Variants in CCDC171 observed in about 807,000 individuals in gnomAD.
The protein encoded by CCDC171 is coiled-coil domain-containing protein 171.
In CCDC171, 177 loss-of-function variants were observed where a neutral mutation model predicts 168.2. The ratio of observed to expected loss-of-function variants is 1.05; its 90% CI spans 0.93 to 1.19. CCDC171 has a LOEUF of 1.19. Among genes scored for constraint, CCDC171 ranks in the 50% most tolerant of loss-of-function variants. The probability of loss-of-function intolerance (pLI) is 0.00; values close to 1 mark genes in which losing one functional copy is unlikely to be tolerated. For synonymous variants in CCDC171, 687 were observed against 540.8 expected, an observed-to-expected ratio of 1.27 and a Z score of -3.75; for missense variants, 1,991 against 1,539.0, an observed-to-expected ratio of 1.29 and a Z score of -4.91.
At chr9:15,959,037 G>A (rs979283253) in intron 25 of CCDC171, among the ~76,000 whole-genome samples, 1 of 152,132 alleles carries the variant, frequency 6.6e-6, no homozygotes, top group Non-Finnish European at 1.5e-5. Context: ...TGAGGATCAG[G>A]GTTGAAGTTT....
intron 1 of CCDC171, among the ~76,000 whole-genome samples, chr9:15,555,323 T>C (rs2132376065): frequency 6.6e-6 from 1 of 152,344 alleles, no homozygotes; most frequent in East Asian, 1.9e-4. Context: ...AATTTGAACC[T>C]TGCCTTTCTT....
At chr9:16,036,739 A>G (rs771783465) in intron 8 of CCDC171, among the ~76,000 whole-genome samples, 1 of 152,262 alleles carries the variant, frequency 6.6e-6, no homozygotes. Flanking sequence ...CAAGAATCCA[A>G]TGCCTTACTT....
At chr9:15,601,803 G>A (rs913925673) in intron 6 of CCDC171, among the ~76,000 whole-genome samples, 1 of 152,146 alleles carries the variant, frequency 6.6e-6, no homozygotes, top group African/African-American at 2.4e-5. Flanking sequence ...GCAAAATAAA[G>A]TAAATTAAAA....
At chr9:15,764,326 T>A (rs956103132) in intron 18 of CCDC171, among the ~76,000 whole-genome samples, 1 of 152,252 alleles carries the variant, frequency 6.6e-6, no homozygotes, top group Non-Finnish European at 1.5e-5. Context: ...ATCTCTGACT[T>A]CTATCAGTAG....
chr9:15,735,780 A>G (rs894728885), intron 16 of CCDC171, among the ~76,000 whole-genome samples: 5 of 152,210 alleles, frequency 3.3e-5, no homozygotes, highest in Non-Finnish European at 5.9e-5. Context: ...GCAGCGATTC[A>G]GAGAGTTAGT....
intron 4 of CCDC171, among the ~76,000 whole-genome samples, chr9:15,590,757 T>TTCTTTCTTCCTTTC (rs2041918738): frequency 7.4e-6 from 1 of 134,306 alleles, no homozygotes; most frequent in Non-Finnish European, 1.6e-5. Context: ...GATTTTTTTC[T>TTCTTTCTTCCTTTC]TCTTTCTTTC....
chr9:15,563,939 G>A (rs2132554736), intron 1 of CCDC171, 39 bp from the exon 2 acceptor site: 1 of 619,754 alleles, frequency 1.6e-6, no homozygotes, highest in Non-Finnish European at 2.8e-6. Context: ...AATAGTATCA[G>A]GACTCAAACT....
chr9:15,600,909 C>T (rs2042796069), intron 6 of CCDC171, among the ~76,000 whole-genome samples: 1 of 152,190 alleles, frequency 6.6e-6, no homozygotes, highest in Admixed American at 6.5e-5. Flanking sequence ...GTGAGCGAGG[C>T]TCCATGGGTG....
chr9:15,878,830 C>G (rs1346804248), intron 24 of CCDC171, among the ~76,000 whole-genome samples: 1 of 152,052 alleles, frequency 6.6e-6, no homozygotes. Context: ...TTTGTGGGAA[C>G]ATGGATAAAG....
intron 16 of CCDC171, among the ~76,000 whole-genome samples, chr9:15,740,903 A>C (rs1443091741): frequency 6.6e-6 from 1 of 152,164 alleles, no homozygotes; most frequent in African/African-American, 2.4e-5. Context: ...GGAATAATTG[A>C]ATCTTTGTGA....
the CCDC171 span, among the ~76,000 whole-genome samples, chr9:16,093,593 G>T: frequency 1.3e-5 from 2 of 152,214 alleles, no homozygotes; most frequent in Non-Finnish European, 2.9e-5. Context: ...GAAGTGCATT[G>T]ATTTCTGTGC....
At chr9:15,769,843 T>G (rs558182577) in intron 18 of CCDC171, among the ~76,000 whole-genome samples, 29 of 152,330 alleles carry the variant, frequency 1.9e-4, no homozygotes, top group Admixed American at 5.2e-4. Context: ...TTCTTTGAAA[T>G]AGCAGCCTTA....
chr9:15,835,129 T>C (rs1331935694), intron 21 of CCDC171, among the ~76,000 whole-genome samples: 1 of 152,200 alleles, frequency 6.6e-6, no homozygotes, highest in Non-Finnish European at 1.5e-5. Context: ...CAGATGGATA[T>C]GTATTATGAT....
At chr9:15,796,738 G>A (rs1169362521) in intron 21 of CCDC171, among the ~76,000 whole-genome samples, 1 of 151,500 alleles carries the variant, frequency 6.6e-6, no homozygotes, top group Admixed American at 6.6e-5. Context: ...AGTGCACAGT[G>A]GTCTGAGCTC....
chr9:15,983,857 T>TGC (rs1589295972), intron 3 of CCDC171, among the ~76,000 whole-genome samples: 1 of 149,940 alleles, frequency 6.7e-6, no homozygotes, highest in Non-Finnish European at 1.5e-5. Flanking sequence ...TGTGTGTGTG[T>TGC]TGGCATTTGG....
intron 24 of CCDC171, among the ~76,000 whole-genome samples, chr9:15,915,557 C>T (rs564956176): frequency 3.0e-4 from 45 of 152,170 alleles, no homozygotes; most frequent in East Asian, 7.7e-4. Context: ...ATATCATCAG[C>T]GAGCAGGGAT....
intron 9 of CCDC171, among the ~76,000 whole-genome samples, chr9:15,670,312 T>G (rs2049023611): frequency 6.6e-6 from 1 of 152,162 alleles, no homozygotes; most frequent in Admixed American, 6.6e-5. Flanking sequence ...ATGCACTTAA[T>G]TATCTATTTT....
chr9:15,656,911 T>G (rs984129651), intron 7 of CCDC171, among the ~76,000 whole-genome samples: 2 of 152,104 alleles, frequency 1.3e-5, no homozygotes, highest in African/African-American at 4.8e-5. Context: ...GGTTATTATA[T>G]GTAAGTTATA....
At chr9:15,565,252 C>G (rs1182868398) in intron 2 of CCDC171, among the ~76,000 whole-genome samples, 2 of 152,088 alleles carry the variant, frequency 1.3e-5, no homozygotes, top group African/African-American at 4.8e-5. Context: ...CCACGCCTGG[C>G]TAATTTTAAA....
Sources: allele counts gnomAD v4.1 joint callset (sites outside exome capture counted in the v4.1 genomes callset), GRCh38; gene constraint gnomAD v4.1.1; transcripts MANE v1.5; gene names NCBI Gene and HGNC (gene_info 2026-07-23, HGNC 2026-07-21).